The following NTRK3 variants were observed in gnomAD, a reference collection of about 807,000 sequenced individuals.
NTRK3 encodes the protein neurotrophic receptor tyrosine kinase 3.
In NTRK3, 24 loss-of-function variants were observed where a neutral mutation model predicts 91.7. The ratio of observed to expected loss-of-function variants is 0.26; its 90% CI spans 0.19 to 0.37. NTRK3 has a LOEUF of 0.37. Ranked by LOEUF, NTRK3 falls within the 10% of genes least tolerant of loss-of-function variation. The pLI, the probability that NTRK3 is intolerant of heterozygous loss-of-function variation, is 1.00. For missense variants in NTRK3, 880 were observed against 1,068.9 expected (o/e 0.82, Z 2.46); for synonymous variants, 483 against 404.0 (o/e 1.20, Z -2.34).
chr15:87,892,911 A>T (rs968407396), intron 17 of NTRK3, among the ~76,000 whole-genome samples: 3 of 152,222 alleles, frequency 2.0e-5, no homozygotes, highest in Non-Finnish European at 4.4e-5. Flanking sequence ...TTAATAGATG[A>T]TGTACCAAAT....
intron 13 of NTRK3, among the ~76,000 whole-genome samples, chr15:88,101,779 A>C (rs547549692): frequency 9.3e-4 from 141 of 152,286 alleles, no homozygotes; most frequent in African/African-American, 3.2e-3. Context: ...AAAAAACCAA[A>C]CACCACATGT....
intron 5 of NTRK3, among the ~76,000 whole-genome samples, chr15:88,180,116 G>T (rs574481390): frequency 6.6e-6 from 1 of 152,228 alleles, no homozygotes; most frequent in African/African-American, 2.4e-5. Context: ...TGGTCACTGG[G>T]CTGAGAGCTG....
intron 17 of NTRK3, among the ~76,000 whole-genome samples, chr15:87,903,228 G>T (rs1049930672): frequency 1.3e-5 from 2 of 152,248 alleles, no homozygotes; most frequent in Non-Finnish European, 2.9e-5. Flanking sequence ...ACAGGAGGCG[G>T]TGTCACAATT....
At chr15:88,053,539 G>T (rs560175326) in intron 13 of NTRK3, among the ~76,000 whole-genome samples, 1 of 152,172 alleles carries the variant, frequency 6.6e-6, no homozygotes, top group Non-Finnish European at 1.5e-5. Context: ...ATACAGTGAG[G>T]CCATAGGTAC....
chr15:88,220,752 C>A (rs778858171), intron 3 of NTRK3, among the ~76,000 whole-genome samples: 1 of 152,198 alleles, frequency 6.6e-6, no homozygotes, highest in African/African-American at 2.4e-5. Flanking sequence ...TCCAAAAGAT[C>A]TGTCCCTCAA....
chr15:88,236,207 C>G (rs182820840), intron 3 of NTRK3, among the ~76,000 whole-genome samples: 18 of 152,220 alleles, frequency 1.2e-4, no homozygotes, highest in Admixed American at 1.1e-3. Context: ...AACAAGAGAA[C>G]AGATAAATTC....
chr15:87,933,601 T>C (rs1310437963), intron 15 of NTRK3, among the ~76,000 whole-genome samples: 1 of 152,268 alleles, frequency 6.6e-6, no homozygotes, highest in African/African-American at 2.4e-5. Context: ...CCCAATACTT[T>C]AGCTTTGTGA....
Position 87,979,379 on chromosome 15 carries a change from T to C in NTRK3, c.1586-38626A>G, listed in dbSNP as rs141300787. On this transcript the variant is annotated intron_variant, in intron 14 of 18. Coordinates refer to ENST00000394480, the Ensembl canonical transcript of NTRK3. ...ATGACGTCCTTTGCTGAAATAAACA[T>C]TGACATCCTCAACATAGATGCCATG... 5.0e-5 allele frequency: 81 copies of C among 1,613,916 alleles called. No individual in the cohort carries two copies. The African/African-American group carries it at 9.6e-4, about 19-fold the overall frequency.
chr15:87,911,595 A>G (rs1435397), intron 17 of NTRK3, among the ~76,000 whole-genome samples: 33,794 of 152,074 alleles, frequency 0.22, 4,036 homozygotes, highest in African/African-American at 0.28. Context: ...GCGTTTTCCA[A>G]TCTTGCCACC....
intron 3 of NTRK3, among the ~76,000 whole-genome samples, chr15:88,228,957 C>G (rs9646226): frequency 0.77 from 117,004 of 151,476 alleles, 47,292 homozygotes; most frequent in East Asian, 0.96. Context: ...GGGGAGCTCC[C>G]TCCTTTGCTG....
intron 5 of NTRK3, among the ~76,000 whole-genome samples, chr15:88,175,416 C>A: frequency 6.6e-6 from 1 of 151,884 alleles, no homozygotes; most frequent in East Asian, 1.9e-4. Context: ...AGAGATAGAG[C>A]AATAGATATA....
At chr15:88,102,646 C>G (rs192510245) in intron 13 of NTRK3, among the ~76,000 whole-genome samples, 5 of 152,184 alleles carry the variant, frequency 3.3e-5, no homozygotes, top group Admixed American at 3.3e-4. Context: ...TATTATATAT[C>G]CATGATAATT....
At chr15:88,011,796 C>A (rs1056941846) in intron 14 of NTRK3, among the ~76,000 whole-genome samples, 7 of 152,174 alleles carry the variant, frequency 4.6e-5, no homozygotes, top group African/African-American at 1.7e-4. Flanking sequence ...ACTGCCCCTC[C>A]CTTCGCCTGC....
intron 17 of NTRK3, chr15:87,925,780 T>G (rs2068257283): frequency 5.7e-6 from 1 of 176,480 alleles, no homozygotes; most frequent in Non-Finnish European, 1.2e-5. Context: ...AGGTGGTCAA[T>G]GTAAAGATTC....
chr15:88,228,437 C>A (rs973633618), intron 3 of NTRK3, among the ~76,000 whole-genome samples: 1 of 152,170 alleles, frequency 6.6e-6, no homozygotes, highest in African/African-American at 2.4e-5. Context: ...GTCCCCTTGC[C>A]CCCATACTAC....
chr15:88,171,989 G>A (rs942956048), intron 5 of NTRK3, among the ~76,000 whole-genome samples: 1 of 152,268 alleles, frequency 6.6e-6, no homozygotes, highest in African/African-American at 2.4e-5. Flanking sequence ...TGGGTTTCAA[G>A]GTGCATCTTG....
intron 17 of NTRK3, among the ~76,000 whole-genome samples, chr15:87,907,947 C>T (rs1490949937): frequency 6.6e-6 from 1 of 152,156 alleles, no homozygotes; most frequent in East Asian, 1.9e-4. Flanking sequence ...TAGTGACCAT[C>T]CTGAGCATCA....
chr15:88,216,731 T>A lies in NTRK3; in HGVS notation c.249-32432A>T, dbSNP rs1298194025. 2.0e-5 allele frequency among the ~76,000 whole-genome samples: 3 copies of A among 152,288 alleles called. No individual in the cohort carries two copies. In the East Asian group the frequency reaches 5.8e-4, roughly 29 times the overall value. On this transcript the variant is annotated intron_variant, in intron 3 of 18. Transcript: ENST00000394480. ...CCTGGGGAATGGTTATCACTCCTCT[T>A]AGGGGAGCCCAGCATCATCACAAAT... is the stretch of plus-strand genomic sequence containing the variant.
At chr15:88,181,912 T>C (rs1164354352) in intron 5 of NTRK3, among the ~76,000 whole-genome samples, 1 of 152,192 alleles carries the variant, frequency 6.6e-6, no homozygotes, top group African/African-American at 2.4e-5. Flanking sequence ...AACGGAGACT[T>C]CTCAGATGTC....
Sources: gnomAD v4.1 joint callset for allele counts (sites outside exome capture counted in the v4.1 genomes callset) on GRCh38, gnomAD v4.1.1 for gene constraint, MANE v1.5 for transcripts, NCBI Gene and HGNC (gene_info 2026-07-23, HGNC 2026-07-21) for gene names.